Variants in PTPRN2 observed in about 807,000 individuals in gnomAD.
The protein encoded by PTPRN2 is receptor-type tyrosine-protein phosphatase N2.
Under a neutral mutation model 118.8 loss-of-function variants are expected in PTPRN2, and 74 were observed. The ratio of observed to expected loss-of-function variants is 0.62; its 90% CI spans 0.52 to 0.76. PTPRN2 has a LOEUF of 0.76. PTPRN2 is among the 30% of genes least tolerant of loss of function. The pLI, the probability that PTPRN2 is intolerant of heterozygous loss-of-function variation, is 0.00. For synonymous variants in PTPRN2, 641 were observed against 608.0 expected (o/e 1.05, Z -0.80); for missense variants, 1,481 against 1,394.4 (o/e 1.06, Z -0.99).
intron 12 of PTPRN2, among the ~76,000 whole-genome samples, chr7:157,851,028 G>A (rs539037968): frequency 3.3e-5 from 5 of 152,318 alleles, no homozygotes; most frequent in African/African-American, 1.2e-4. Flanking sequence ...AACAAAAGGC[G>A]GCGAGGGAGG....
intron 3 of PTPRN2, among the ~76,000 whole-genome samples, chr7:158,238,871 T>C (rs1795729851): frequency 6.6e-6 from 1 of 152,128 alleles, no homozygotes; most frequent in African/African-American, 2.4e-5. Flanking sequence ...ACACGGTGGC[T>C]ACAAGGGCAG....
chr7:158,534,739 C>T lies in PTPRN2; in HGVS notation c.113-44954G>A, dbSNP rs555393626. On this transcript the variant is annotated intron_variant, in intron 1 of 22. Coordinates refer to ENST00000389418, the MANE Select transcript of PTPRN2 (RefSeq NM_002847.5). ...CCATCTGCCCGGGCATGTTTCACCT[C>T]GGCTGTGCAGACCCTCTGAAGACGA... Among the ~76,000 whole-genome samples the T allele has an allele frequency of 6.6e-5, 10 of 152,312 alleles. No individual in the cohort carries two copies. In the East Asian group the frequency reaches 1.4e-3, roughly 21 times the overall value.
intron 11 of PTPRN2, among the ~76,000 whole-genome samples, chr7:158,059,544 A>G (rs1244389124): frequency 8.7e-6 from 1 of 114,750 alleles, no homozygotes; most frequent in South Asian, 3.2e-4. Context: ...ATCTGCAGTG[A>G]CACATCACTG....
At position 158,138,321 on chromosome 7, in the gene PTPRN2, C is replaced by G; in HGVS notation, c.1105G>C (p.Ala369Pro). 6.2e-7 allele frequency: 1 copy of G among 1,613,360 alleles called. No homozygotes were observed. Among genetic ancestry groups the G allele is most frequent in the Non-Finnish European group, 8.5e-7 (1 of 1,180,006 alleles). Reference protein sequence around the residue: ...ESGEQADGPKATLRGDSFPDD... With the variant: ...ESGEQADGPKPTLRGDSFPDD... The stretch of plus-strand genomic sequence containing the variant: ...GGAAAGCTGTCTCCACGGAGGGTGG[C>G]CTTGGGGCCATCCGCCTGTTCTCCA... Residue 369 changes from alanine (A) to proline (P), a missense_variant, in exon 7 of 23, where the codon GCC becomes CCC. This residue lies in a region of PTPRN2 where 1,115 missense variants were observed against 994.2 expected (regional missense o/e 1.12). Coordinates refer to ENST00000389418, the MANE Select transcript of PTPRN2 (RefSeq NM_002847.5).
intron 11 of PTPRN2, among the ~76,000 whole-genome samples, chr7:158,054,488 G>A (rs911604340): frequency 3.3e-5 from 5 of 152,230 alleles, no homozygotes; most frequent in South Asian, 2.1e-4. Context: ...TCTGTGAGTC[G>A]AGTCTATGAA....
intron 11 of PTPRN2, among the ~76,000 whole-genome samples, chr7:158,065,775 T>C (rs1810725665): frequency 2.0e-5 from 3 of 152,242 alleles, no homozygotes; most frequent in Admixed American, 1.3e-4. Flanking sequence ...TAATTACAGA[T>C]AAAAGAAATC....
At chr7:157,985,056 C>T (rs971997594) in intron 11 of PTPRN2, among the ~76,000 whole-genome samples, 1 of 152,194 alleles carries the variant, frequency 6.6e-6, no homozygotes, top group Non-Finnish European at 1.5e-5. Flanking sequence ...GTTCATGGGC[C>T]TTGACTGACA....
intron 13 of PTPRN2, among the ~76,000 whole-genome samples, chr7:157,669,850 C>T (rs181134966): frequency 1.2e-4 from 18 of 152,162 alleles, no homozygotes; most frequent in Non-Finnish European, 1.6e-4. Context: ...CACACAACCT[C>T]GAGGCCGGGC....
chr7:158,002,269 T>C (rs1188197340), intron 11 of PTPRN2, among the ~76,000 whole-genome samples: 1 of 152,212 alleles, frequency 6.6e-6, no homozygotes. Context: ...CTCTGGATGG[T>C]CACTCACTCA....
intron 5 of PTPRN2, among the ~76,000 whole-genome samples, chr7:158,178,411 C>T (rs1220706681): frequency 2.6e-5 from 4 of 151,898 alleles, no homozygotes; most frequent in Admixed American, 2.6e-4. Flanking sequence ...CTTTGCATAC[C>T]CATAGCTTGG....
At chr7:158,500,490 T>G (rs1822283759) in intron 1 of PTPRN2, among the ~76,000 whole-genome samples, 1 of 152,218 alleles carries the variant, frequency 6.6e-6, no homozygotes, top group Non-Finnish European at 1.5e-5. Flanking sequence ...GTGGCAGCTC[T>G]GGAGGGCACA....
chr7:158,098,692 T>A (rs545661578), intron 10 of PTPRN2, among the ~76,000 whole-genome samples: 2 of 151,808 alleles, frequency 1.3e-5, no homozygotes, highest in South Asian at 4.2e-4. Context: ...GTGAATGGGG[T>A]TGCTTGGGCT....
rs1272884449 is a variant in PTPRN2 at position 157,874,543 on chromosome 7, CG to C, written c.1788+24129del. The stretch of plus-strand genomic sequence containing the variant: ...TCGAGCTTTTATTTCAGTGAAGCTT[CG>C]GGGTCACCTGCACGGCCTCTCGTGA... On this transcript the variant is annotated intron_variant, in intron 12 of 22. Transcript: ENST00000389418. This position sits in a 1 kb window ranked among gnomAD's most constrained non-coding sequence, Gnocchi z 5.8. Among the ~76,000 whole-genome samples the C allele has an allele frequency of 2.0e-5, 3 of 152,202 alleles. No individual in the cohort carries two copies. Among genetic ancestry groups the C allele is most frequent in the Non-Finnish European group, 4.4e-5 (3 of 68,050 alleles).
chr7:157,630,580 G>T (rs1370865759), intron 14 of PTPRN2, among the ~76,000 whole-genome samples: 4 of 152,182 alleles, frequency 2.6e-5, no homozygotes, highest in Non-Finnish European at 5.9e-5. Flanking sequence ...AACAGGCATT[G>T]TTCCGGCTCT....
intron 11 of PTPRN2, among the ~76,000 whole-genome samples, chr7:157,996,460 A>G (rs890671041): frequency 2.0e-5 from 3 of 152,254 alleles, no homozygotes; most frequent in African/African-American, 4.8e-5. Context: ...CTGGTCAGAT[A>G]GATCTTTGCT....
intron 14 of PTPRN2, among the ~76,000 whole-genome samples, chr7:157,637,779 T>C (rs192132866): frequency 4.7e-4 from 72 of 152,336 alleles, no homozygotes; most frequent in African/African-American, 1.7e-3. Flanking sequence ...AGGCAACGCA[T>C]AGACAGCTTC....
At position 158,529,804 on chromosome 7, in the gene PTPRN2, T is replaced by C. The variant is rs1211480815; in HGVS notation, c.113-40019A>G. 1.3e-5 allele frequency among the ~76,000 whole-genome samples: 2 copies of C among 151,996 alleles called. No individual in the cohort carries two copies. The highest frequency in any genetic ancestry group is 2.9e-5 in the Non-Finnish European group (2 of 67,988). On this transcript the variant is annotated intron_variant, in intron 1 of 22. Transcript: ENST00000389418. This position sits in a 1 kb window ranked among gnomAD's most constrained non-coding sequence, Gnocchi z 4.7. ...CCAGGCCTCCCCAGCCAGCATGAGT[T>C]CTCAGCATCTCCTCTACACACATGG...
In PTPRN2 at chr7:157,734,288, T is replaced by G. The variant is rs1361827342; in HGVS notation, c.1789-51351A>C. Among the ~76,000 whole-genome samples, 3 of 140,094 alleles carry G rather than the reference T, an allele frequency of 2.1e-5. No individual in the cohort carries two copies. The East Asian group carries it at 6.0e-4, about 28-fold the overall frequency. The allele number at this position is 140,094 out of a possible 152,430, so 91.9% of individuals were successfully genotyped here. ...GTGCCCAGTGCAGTCTTCCGTCCCA[T>G]GCGCCCAGTGCAGTTACTCTTCCGT... On this transcript the variant is annotated intron_variant, in intron 12 of 22. Coordinates refer to ENST00000389418, the MANE Select transcript of PTPRN2 (RefSeq NM_002847.5).
intron 1 of PTPRN2, among the ~76,000 whole-genome samples, chr7:158,531,582 A>T (rs1040698315): frequency 3.3e-5 from 5 of 152,256 alleles, no homozygotes; most frequent in African/African-American, 1.2e-4. Flanking sequence ...TGGTGGACAG[A>T]TGCCCACATC....
Sources: allele counts gnomAD v4.1 joint callset (sites outside exome capture counted in the v4.1 genomes callset), GRCh38; gene constraint gnomAD v4.1.1; regional missense constraint gnomAD v4.1.1; non-coding constraint Gnocchi (gnomAD v3.1); transcripts MANE v1.5; gene names NCBI Gene and HGNC (gene_info 2026-07-23, HGNC 2026-07-21).